Variants in KCNIP4 observed in about 807,000 individuals in gnomAD.
KCNIP4 encodes Kv channel-interacting protein 4.
Under a neutral mutation model 34.0 loss-of-function variants are expected in KCNIP4, and 12 were observed. The ratio of observed to expected loss-of-function variants is 0.35; its 90% CI spans 0.23 to 0.57. KCNIP4 has a LOEUF of 0.57. KCNIP4 is among the 20% of genes least tolerant of loss of function. The probability of loss-of-function intolerance (pLI) is 0.83; values close to 1 mark genes in which losing one functional copy is unlikely to be tolerated. For synonymous variants in KCNIP4, 124 were observed against 102.2 expected, an observed-to-expected ratio of 1.21 and a Z score of -1.29; for missense variants, 238 against 311.7, an observed-to-expected ratio of 0.76 and a Z score of 1.78.
At position 21,817,034 on chromosome 4, in the gene KCNIP4, A is replaced by C. The variant is rs373842971; in HGVS notation, c.61+131537T>G. On this transcript the variant is annotated intron_variant, in intron 1 of 8. Transcript: ENST00000382152. ...ATGTGCTTGACAGATGTGAGCTATT[A>C]TTTTCATGTCACTAATGTTGACCCT... 7.0e-4 allele frequency among the ~76,000 whole-genome samples: 107 copies of C among 152,228 alleles called. 1 individual carries two copies. The South Asian group carries it at 0.022, about 31-fold the overall frequency.
intron 2 of KCNIP4, among the ~76,000 whole-genome samples, chr4:20,862,544 GGA>G (rs1722316280): frequency 6.6e-6 from 1 of 152,090 alleles, no homozygotes; most frequent in South Asian, 2.1e-4. Flanking sequence ...AATGGTATGT[GGA>G]GAGAGATGAA....
intron 1 of KCNIP4, among the ~76,000 whole-genome samples, chr4:21,668,245 G>A (rs1011029593): frequency 5.9e-5 from 9 of 152,112 alleles, no homozygotes; most frequent in African/African-American, 2.2e-4. Flanking sequence ...TGGGGGTGAG[G>A]AGAGGGAACT....
chr4:21,447,119 G>A (rs1175713078), intron 1 of KCNIP4, among the ~76,000 whole-genome samples: 1 of 152,004 alleles, frequency 6.6e-6, no homozygotes, highest in East Asian at 1.9e-4. Flanking sequence ...AAATAAATCT[G>A]TCTCTGACTC....
chr4:21,921,116 A>G (rs914465998), intron 1 of KCNIP4, among the ~76,000 whole-genome samples: 1 of 152,056 alleles, frequency 6.6e-6, no homozygotes, highest in East Asian at 1.9e-4. Flanking sequence ...GCTTAATACT[A>G]TATCTATTCA....
intron 1 of KCNIP4, among the ~76,000 whole-genome samples, chr4:21,337,764 C>T (rs976150303): frequency 7.2e-5 from 11 of 152,084 alleles, no homozygotes; most frequent in African/African-American, 2.7e-4. Flanking sequence ...TAAACATGGA[C>T]CTCACAGGCA....
intron 1 of KCNIP4, among the ~76,000 whole-genome samples, chr4:20,959,644 C>A (rs1326164646): frequency 6.6e-6 from 1 of 152,194 alleles, no homozygotes; most frequent in Non-Finnish European, 1.5e-5. Flanking sequence ...CAGTTAGTTG[C>A]TCTATCTTTT....
chr4:21,365,512 A>C (rs1321219644), intron 1 of KCNIP4, among the ~76,000 whole-genome samples: 2 of 103,514 alleles, frequency 1.9e-5, no homozygotes, highest in East Asian at 5.4e-4. Flanking sequence ...TAAATAAATA[A>C]ATAAATAAAT....
intron 1 of KCNIP4, among the ~76,000 whole-genome samples, chr4:21,920,304 T>C (rs1728866476): frequency 6.6e-6 from 1 of 152,172 alleles, no homozygotes; most frequent in Non-Finnish European, 1.5e-5. Context: ...GTTTTAAAAA[T>C]TGTCTGTACT....
intron 1 of KCNIP4, among the ~76,000 whole-genome samples, chr4:21,802,635 G>A (rs10017728): frequency 0.6 from 91,462 of 152,000 alleles, 28,275 homozygotes; most frequent in African/African-American, 0.69. Context: ...ACTCATTGTT[G>A]TTTATCTTCA....
intron 1 of KCNIP4, among the ~76,000 whole-genome samples, chr4:21,496,401 A>G (rs16871218): frequency 0.038 from 5,752 of 152,264 alleles, 324 homozygotes; most frequent in African/African-American, 0.12. Context: ...CAGAATCAGA[A>G]AGTCAGGCCT....
intron 1 of KCNIP4, among the ~76,000 whole-genome samples, chr4:21,403,782 G>C (rs1723740111): frequency 6.6e-6 from 1 of 152,202 alleles, no homozygotes; most frequent in African/African-American, 2.4e-5. Context: ...CTCCTTCCAA[G>C]AGGGTGCCCT....
intron 1 of KCNIP4, among the ~76,000 whole-genome samples, chr4:20,930,243 A>G (rs1730318105): frequency 6.6e-6 from 1 of 152,056 alleles, no homozygotes. Flanking sequence ...AAGGGTACCA[A>G]CAGGACACCC....
At chr4:21,246,959 T>A (rs1760251861) in intron 1 of KCNIP4, among the ~76,000 whole-genome samples, 1 of 152,158 alleles carries the variant, frequency 6.6e-6, no homozygotes, top group Admixed American at 6.5e-5. Flanking sequence ...TTGTCTAAGT[T>A]TCTCTACATT....
chr4:21,318,503 T>A (rs1458192557), intron 1 of KCNIP4, among the ~76,000 whole-genome samples: 2 of 152,204 alleles, frequency 1.3e-5, no homozygotes, highest in African/African-American at 4.8e-5. Flanking sequence ...GAAATGGGAT[T>A]TTGAAAAGGT....
intron 1 of KCNIP4, among the ~76,000 whole-genome samples, chr4:20,955,386 G>A (rs1428859461): frequency 6.6e-6 from 1 of 152,154 alleles, no homozygotes; most frequent in Non-Finnish European, 1.5e-5. Context: ...CTAGGTATCT[G>A]TGAACAGACA....
At chr4:20,779,588 C>CCA (rs1553894980) in intron 3 of KCNIP4, among the ~76,000 whole-genome samples, 4 of 82,130 alleles carry the variant, frequency 4.9e-5, no homozygotes, top group Admixed American at 2.9e-4. Flanking sequence ...CCCCCCCCCC[C>CCA]ACACAAAAAA....
chr4:20,842,935 G>A (rs983061824), intron 3 of KCNIP4, among the ~76,000 whole-genome samples: 7 of 146,856 alleles, frequency 4.8e-5, no homozygotes, highest in Non-Finnish European at 7.5e-5. Context: ...TTTGAGACAC[G>A]ATCTTACTGT....
intron 1 of KCNIP4, among the ~76,000 whole-genome samples, chr4:21,355,925 C>T (rs555356091): frequency 1.3e-5 from 2 of 152,278 alleles, no homozygotes; most frequent in South Asian, 4.1e-4. Context: ...CAAACCGAAT[C>T]CAGCAGCACA....
At chr4:21,891,193 G>T (rs546153446) in intron 1 of KCNIP4, among the ~76,000 whole-genome samples, 1 of 152,074 alleles carries the variant, frequency 6.6e-6, no homozygotes, top group East Asian at 1.9e-4. Context: ...ACCACTCTTG[G>T]ATTTCTTAGA....
Sources: gnomAD v4.1 joint callset for allele counts (sites outside exome capture counted in the v4.1 genomes callset) on GRCh38, gnomAD v4.1.1 for gene constraint, MANE v1.5 for transcripts, NCBI Gene and HGNC (gene_info 2026-07-23, HGNC 2026-07-21) for gene names.